RSPH4A: variants seen among roughly 807,000 people sequenced by gnomAD.
The protein encoded by RSPH4A is radial spoke head protein 4 homolog A.
RSPH4A carries 47 observed loss-of-function variants against 71.0 expected under a neutral mutation model. The observed-to-expected ratio is 0.66, with a 90% CI of 0.52 to 0.84. RSPH4A has a LOEUF of 0.84. RSPH4A is among the 40% of genes least tolerant of loss of function. RSPH4A has a pLI of 0.00. For synonymous variants in RSPH4A, 282 were observed against 302.3 expected (o/e 0.93, Z 0.70); for missense variants, 793 against 855.2 (o/e 0.93, Z 0.91).
Position 116,630,572 on chromosome 6 carries a change from C to A in RSPH4A, c.1916+20C>A. On this transcript the variant is annotated intron_variant, in intron 5 of 5. Transcript: ENST00000229554. ...TGGCAAGTAAGTATCTGACCACTTACAAAGCCATTTCTGTGATTAGTTAAG... is the reference window on the plus strand; with the variant it reads ...TGGCAAGTAAGTATCTGACCACTTAAAAAGCCATTTCTGTGATTAGTTAAG... The A allele has an allele frequency of 9.5e-7, 1 of 1,055,796 alleles. No individual in the cohort carries two copies. Among genetic ancestry groups the A allele is most frequent in the Non-Finnish European group, 1.4e-6 (1 of 691,782 alleles). 65.4% of individuals were successfully genotyped at this position (1,055,796 alleles called of 1,614,324 possible). A position where few individuals can be genotyped will look rare whatever the true frequency, so the allele number is the denominator to read the frequency against.
intron 4 of RSPH4A, among the ~76,000 whole-genome samples, chr6:116,630,052 C>T (rs898539770): frequency 6.6e-6 from 1 of 152,180 alleles, no homozygotes; most frequent in Admixed American, 6.5e-5. Flanking sequence ...ACTCTACTCT[C>T]ATTCCTATAT....
At chr6:116,629,355 A>G (rs916095324) in intron 3 of RSPH4A, among the ~76,000 whole-genome samples, 1 of 152,224 alleles carries the variant, frequency 6.6e-6, no homozygotes, top group African/African-American at 2.4e-5. Context: ...CTGTGACTTC[A>G]AGAATTTGGC....
intron 5 of RSPH4A, among the ~76,000 whole-genome samples, chr6:116,630,845 G>GTTTTTTTTTTTTTTTTTTT (rs1285123787): frequency 3.0e-5 from 2 of 67,714 alleles, no homozygotes; most frequent in Admixed American, 1.7e-4. Flanking sequence ...GCTAATTTTT[G>GTTTTTTTTTTTTTTTTTTT]TATTTTTTTT....
chr6:116,626,669 A>C (rs895775814), intron 2 of RSPH4A, among the ~76,000 whole-genome samples: 1 of 152,174 alleles, frequency 6.6e-6, no homozygotes, highest in African/African-American at 2.4e-5. Flanking sequence ...TGGTCCATTT[A>C]AGACTCTGCT....
At chr6:116,626,253 C>CA (rs564776644) in intron 2 of RSPH4A, among the ~76,000 whole-genome samples, 108 of 152,324 alleles carry the variant, frequency 7.1e-4, no homozygotes, top group African/African-American at 2.5e-3. Flanking sequence ...GCAGAGCTCT[C>CA]AAGTTTTTCA....
Position 116,632,574 on chromosome 6 carries a change from C to A in RSPH4A, c.*133C>A, listed in dbSNP as rs1775825592. On this transcript the variant is annotated 3_prime_UTR_variant, in exon 6 of 6. Coordinates refer to ENST00000229554, the MANE Select transcript of RSPH4A (RefSeq NM_001010892.3). ...AAGAAATTATTCAACTGCAAAATCT[C>A]AATCTTGAAAATCAAGCTTGAAATT... 2 of 1,170,962 alleles carry A rather than the reference C, an allele frequency of 1.7e-6. No homozygotes were observed. The highest frequency in any genetic ancestry group is 3.1e-5 in the South Asian group (2 of 64,544). 72.5% of individuals were successfully genotyped at this position (1,170,962 alleles called of 1,614,324 possible).
In RSPH4A at chr6:116,630,454, C is replaced by A; in HGVS notation, c.1818C>A (p.Pro606=). The part of the protein sequence containing the change: ...SEDLEIQNIP[P]WTTRLSSNLI... ...TTCCAGAGATTCAGAATATACCCCC[C>A]TGGACAACACGGTTATCCTCAAATC... Residue 606 remains proline (P), a synonymous_variant, in exon 5 of 6, where the codon CCC becomes CCA. Transcript: ENST00000229554. The A allele has an allele frequency of 6.3e-7, 1 of 1,599,078 alleles. No homozygotes were observed. The highest frequency in any genetic ancestry group is 8.6e-7 in the Non-Finnish European group (1 of 1,166,454).
intron 1 of RSPH4A, among the ~76,000 whole-genome samples, chr6:116,622,105 G>A (rs1216739155): frequency 2.0e-5 from 3 of 152,102 alleles, no homozygotes; most frequent in Non-Finnish European, 4.4e-5. Flanking sequence ...ATAAAGGTAA[G>A]TAATATTTAA....
Position 116,629,637 on chromosome 6 carries a change from A to G in RSPH4A, c.1733A>G (p.Asp578Gly). The G allele has an allele frequency of 6.2e-7, 1 of 1,613,322 alleles. No homozygotes were observed. Among genetic ancestry groups the G allele is most frequent in the Non-Finnish European group, 8.5e-7 (1 of 1,179,286 alleles). ...GAAGAGGAAGAAGATGAAGAAAAAG[A>G]CGATTCTGACTACATAGAACAGGAA... ...EEEEEEDEEK[D>G]DSDYIEQEVG... Residue 578 changes from aspartate to glycine, a missense_variant, in exon 4 of 6, where the codon GAC becomes GGC. Transcript: ENST00000229554.
chr6:116,619,912 G>A (rs897122703), intron 1 of RSPH4A, among the ~76,000 whole-genome samples: 5 of 152,088 alleles, frequency 3.3e-5, no homozygotes, highest in Admixed American at 6.6e-5. Context: ...GTAGAGACAC[G>A]GTTTCACTGT....
chr6:116,628,634 C>T (rs1268524349), intron 3 of RSPH4A, among the ~76,000 whole-genome samples: 2 of 151,950 alleles, frequency 1.3e-5, no homozygotes, highest in African/African-American at 4.8e-5. Context: ...TTCTATGGAG[C>T]GTTTGACAGA....
chr6:116,622,091 T>G (rs950639881), intron 1 of RSPH4A, among the ~76,000 whole-genome samples: 14 of 152,196 alleles, frequency 9.2e-5, no homozygotes, highest in Non-Finnish European at 1.5e-4. Flanking sequence ...TGTATCACAT[T>G]TCAATAAAGG....
In RSPH4A at chr6:116,623,797, A is replaced by ATAT. The variant is rs1775651453; in HGVS notation, c.921+798_921+800dup. On this transcript the variant is annotated intron_variant, in intron 2 of 5. Coordinates refer to ENST00000229554, the MANE Select transcript of RSPH4A (RefSeq NM_001010892.3). ...CTTATATTATGACTTGATATTATGT[A>ATAT]TATTACATCAATGGGATGTAATACA... Among the ~76,000 whole-genome samples, 4 of 152,212 alleles carry ATAT rather than the reference A, an allele frequency of 2.6e-5. No individual in the cohort carries two copies. The South Asian group carries it at 8.3e-4, about 31-fold the overall frequency.
chr6:116,630,625 A>G (rs907991752), intron 5 of RSPH4A, 73 bp downstream of exon 5: 60 of 745,370 alleles, frequency 8.0e-5, no homozygotes, highest in Middle Eastern at 4.7e-4. Context: ...AACCACTAGA[A>G]TGTTAAGCTA....
In RSPH4A at chr6:116,632,756, C is replaced by T; in HGVS notation, c.*315C>T. 1 of 276,824 alleles carries T rather than the reference C, an allele frequency of 3.6e-6. No individual in the cohort carries two copies. The highest frequency in any genetic ancestry group is 7.0e-6 in the Non-Finnish European group (1 of 143,562). The allele number at this position is 276,824 out of a possible 1,614,324, so 17.1% of individuals were successfully genotyped here. On this transcript the variant is annotated 3_prime_UTR_variant, in exon 6 of 6. Transcript: ENST00000229554. ...TAAAAGGGCTCAGGTTTCACATGGT[C>T]CAGGTGAGGTAAAACAATTAAAATA...
rs1775503214 is a variant in RSPH4A, at chr6:116,616,480, T to C, written c.-144T>C. On this transcript the variant is annotated 5_prime_UTR_variant, in exon 1 of 6. It removes an upstream start codon present in the reference 5' UTR. Transcript: ENST00000229554. ...AGAGGAACCCGGCCTGGGGTTGCTA[T>C]GGAGATAGGACGCAGCAACTCACAG... 1 of 738,624 alleles carries C rather than the reference T, an allele frequency of 1.4e-6. No homozygotes were observed. Among genetic ancestry groups the C allele is most frequent in the South Asian group, 1.6e-5 (1 of 62,098 alleles). The allele number at this position is 738,624 out of a possible 1,614,324, so 45.8% of individuals were successfully genotyped here. A position where few individuals can be genotyped will look rare whatever the true frequency, so the allele number is the denominator to read the frequency against.
intron 1 of RSPH4A, among the ~76,000 whole-genome samples, chr6:116,621,361 A>G (rs961035125): frequency 2.0e-5 from 3 of 152,196 alleles, no homozygotes; most frequent in Non-Finnish European, 4.4e-5. Context: ...TTCTGAGGTC[A>G]TTAGATAAAT....
chr6:116,630,628 T>C, intron 5 of RSPH4A, 76 bp downstream of exon 5: 1 of 783,096 alleles, frequency 1.3e-6, no homozygotes, highest in South Asian at 1.4e-5. Flanking sequence ...CACTAGAATG[T>C]TAAGCTACTA....
At chr6:116,624,985 C>G (rs1213454690) in intron 2 of RSPH4A, among the ~76,000 whole-genome samples, 1 of 151,868 alleles carries the variant, frequency 6.6e-6, no homozygotes, top group Non-Finnish European at 1.5e-5. Flanking sequence ...CAGATCTGAG[C>G]TAGAATCCTA....
Sources: allele counts gnomAD v4.1 joint callset (sites outside exome capture counted in the v4.1 genomes callset), GRCh38; gene constraint gnomAD v4.1.1; transcripts MANE v1.5; gene names NCBI Gene and HGNC (gene_info 2026-07-23, HGNC 2026-07-21).